Variants in GYS1 observed in about 807,000 individuals in gnomAD.
The protein encoded by GYS1 is glycogen [starch] synthase, muscle.
GYS1 carries 60 observed loss-of-function variants against 89.1 expected under a neutral mutation model. That is an observed-to-expected ratio of 0.67 (90% CI 0.55 to 0.84). The LOEUF (loss-of-function observed/expected upper bound fraction) is 0.84, where lower values mean the gene tolerates loss of function less well. Ranked by LOEUF, GYS1 falls within the 40% of genes least tolerant of loss-of-function variation. The probability of loss-of-function intolerance (pLI) is 0.00; values close to 1 mark genes in which losing one functional copy is unlikely to be tolerated. For missense variants in GYS1, 888 were observed against 1,003.1 expected, an observed-to-expected ratio of 0.89 and a Z score of 1.55; for synonymous variants, 366 against 401.7, an observed-to-expected ratio of 0.91 and a Z score of 1.06.
intron 3 of GYS1, 31 bp downstream of exon 3, chr19:48,987,163 G>A (rs747524969): frequency 6.7e-7 from 1 of 1,497,564 alleles, no homozygotes; most frequent in Non-Finnish European, 9.3e-7. Context: ...GTAGTTTCAG[G>A]TATGGGTGGA....
At position 48,968,254 on chromosome 19, in the gene GYS1, C is replaced by T; in HGVS notation, c.*1034G>A. The T allele has an allele frequency of 2.2e-6, 1 of 454,328 alleles. No individual in the cohort carries two copies. The highest frequency in any genetic ancestry group is 4.4e-6 in the Non-Finnish European group (1 of 226,792). The allele number at this position is 454,328 out of a possible 1,614,324, so 28.1% of individuals were successfully genotyped here. A position where few individuals can be genotyped will look rare whatever the true frequency, so the allele number is the denominator to read the frequency against. ...CACAGCACAGCACACATGAGGGGCC[C>T]TCCCTTTCACCAAAGCTGAAGGCAG... On this transcript the variant is annotated 3_prime_UTR_variant, in exon 16 of 16. Coordinates refer to ENST00000323798, the MANE Select transcript of GYS1 (RefSeq NM_002103.5).
intron 9 of GYS1, 36 bp downstream of exon 9, chr19:48,978,062 C>G: frequency 6.2e-7 from 1 of 1,610,192 alleles, no homozygotes; most frequent in Non-Finnish European, 8.5e-7. Flanking sequence ...TTAGTCAGGG[C>G]CTAGGAGGGC....
chr19:48,990,658 G>A (rs994355907), intron 2 of GYS1, among the ~76,000 whole-genome samples: 5 of 152,154 alleles, frequency 3.3e-5, no homozygotes, highest in East Asian at 3.8e-4. Flanking sequence ...TCCCAGCACC[G>A]CTAGAAGGTA....
intron 3 of GYS1, 62 bp downstream of exon 3, chr19:48,987,132 G>T: frequency 8.3e-7 from 1 of 1,206,308 alleles, no homozygotes; most frequent in Non-Finnish European, 1.2e-6. Flanking sequence ...CCATCCTCTG[G>T]CCCAGGGGCT....
chr19:48,985,065 C>T (rs547948011), intron 5 of GYS1, among the ~76,000 whole-genome samples: 13 of 152,040 alleles, frequency 8.6e-5, no homozygotes, highest in Non-Finnish European at 1.9e-4. Context: ...CACTGTGTCA[C>T]CCAGGCTGTG....
Position 48,993,001 on chromosome 19 carries a change from T to C in GYS1, c.112A>G (p.Asn38Asp). Residue 38 changes from asparagine to aspartate, a missense_variant, in exon 1 of 16, where the codon AAC (asparagine) becomes GAC (aspartate). Asn to Asp is a conservative substitution (Grantham distance 23, BLOSUM62 1). Coordinates refer to ENST00000323798, the MANE Select transcript of GYS1 (RefSeq NM_002103.5). ...CGACGCCTGGCGTGCTCACCCTTGT[T>C]AGCCACCTCCCAGGCCACTTCGAAG... is the stretch of plus-strand genomic sequence containing the variant. ...VLFEVAWEVA[N>D]KVGGIYTVLQ... 1 of 1,594,458 alleles carries C rather than the reference T, an allele frequency of 6.3e-7. No homozygotes were observed. Among genetic ancestry groups the C allele is most frequent in the African/African-American group, 1.3e-5 (1 of 74,620 alleles).
intron 8 of GYS1, among the ~76,000 whole-genome samples, chr19:48,980,883 G>A (rs1007332158): frequency 3.3e-5 from 5 of 152,056 alleles, no homozygotes; most frequent in Non-Finnish European, 7.4e-5. Context: ...GGGAGGCTGA[G>A]GCAGGCGGAA....
Position 48,970,624 on chromosome 19 carries a change from C to G in GYS1, c.1731G>C (p.Gln577His). ...LTSFLYSFCQ[Q>H]SRRQRIIQRN... is the part of the protein sequence containing the mutation. ...GCTGGATGATACGCTGCCGCCGGCT[C>G]TGCTGACAGAAACTGTAGAGGAAGG... The change falls in exon 14 of 16, where the codon CAG (glutamine) becomes CAC (histidine). Residue 577 changes from glutamine to histidine, a missense_variant. Gln to His is a conservative substitution (Grantham distance 24). Coordinates refer to ENST00000323798, the MANE Select transcript of GYS1 (RefSeq NM_002103.5). The G allele has an allele frequency of 6.2e-7, 1 of 1,614,022 alleles. No individual in the cohort carries two copies.
Position 48,969,253 on chromosome 19 carries a change from G to A in GYS1, c.*35C>T, listed in dbSNP as rs78559163. 4.2e-4 allele frequency: 636 copies of A among 1,516,842 alleles called. 2 individuals carry two copies. In the African/African-American group the frequency reaches 7.1e-3, roughly 17 times the overall value. 94.0% of individuals were successfully genotyped at this position (1,516,842 alleles called of 1,614,324 possible). ...CTCTGCATCCTCTCTCTGGAGCAGA[G>A]AGGCAGGACAGGCGGGGAGTGTGGT... On this transcript the variant is annotated 3_prime_UTR_variant, in exon 16 of 16. Transcript: ENST00000323798.
In GYS1 at chr19:48,981,618, T is replaced by C; in HGVS notation, c.1081A>G (p.Thr361Ala). ...GGCATGATGAAGAAGGCAACCACTG[T>C]CTGCTCGCTGCCGTTCACCTGCGCA... is the stretch of plus-strand genomic sequence containing the variant. ...YLLRVNGSEQ[T>A]VVAFFIMPAR... Residue 361 changes from threonine (T) to alanine (A), a missense_variant, in exon 8 of 16, where the codon ACA (threonine) becomes GCA (alanine). Thr to Ala is a moderately conservative substitution (Grantham distance 58). Transcript: ENST00000323798. The C allele has an allele frequency of 2.5e-6, 4 of 1,611,894 alleles. No homozygotes were observed. The South Asian group carries it at 3.3e-5, about 13-fold the overall frequency.
At position 48,991,295 on chromosome 19, in the gene GYS1, G is replaced by A. The variant is rs759904590; in HGVS notation, c.300+7C>T. 4.7e-5 allele frequency: 76 copies of A among 1,613,292 alleles called. No homozygotes were observed. In the East Asian group the frequency reaches 6.0e-4, roughly 13 times the overall value. ...CCGCTTCTGCCCTGGGCTGGGCCACGTCCCACCTTGCAGCCCTTGCTGTTC... is the reference window on the plus strand; with the variant it reads ...CCGCTTCTGCCCTGGGCTGGGCCACATCCCACCTTGCAGCCCTTGCTGTTC... On this transcript the variant is annotated splice_region_variant and intron_variant, in intron 2 of 15. Coordinates refer to ENST00000323798, the MANE Select transcript of GYS1 (RefSeq NM_002103.5). The surrounding 1 kb of genome is among the most constrained non-coding windows in gnomAD (Gnocchi z 4.7).
chr19:48,972,730 C>T (rs1278471165), intron 12 of GYS1, among the ~76,000 whole-genome samples: 1 of 152,170 alleles, frequency 6.6e-6, no homozygotes, highest in African/African-American at 2.4e-5. Context: ...CCTCCCACCT[C>T]GGCCTCCCAA....
chr19:48,974,694 C>T lies in GYS1; in HGVS notation c.1348G>A (p.Asp450Asn). ...GTCAGGATGGGGTCTGAGGAGTCAT[C>T]CAGCATATTGTGGGTGCACACAGGG... is the stretch of plus-strand genomic sequence containing the variant. Reference protein sequence around the residue: ...FPPVCTHNMLDDSSDPILTTI... With the variant: ...FPPVCTHNMLNDSSDPILTTI... Residue 450 changes from aspartate to asparagine, a missense_variant, in exon 11 of 16, where the codon GAT (aspartate) becomes AAT (asparagine). Asp to Asn is a conservative substitution (Grantham distance 23). Coordinates refer to ENST00000323798, the MANE Select transcript of GYS1 (RefSeq NM_002103.5). 6.2e-7 allele frequency: 1 copy of T among 1,613,948 alleles called. No homozygotes were observed. The highest frequency in any genetic ancestry group is 1.1e-5 in the South Asian group (1 of 91,076).
intron 2 of GYS1, among the ~76,000 whole-genome samples, chr19:48,990,529 T>A (rs1255423132): frequency 6.6e-6 from 1 of 152,154 alleles, no homozygotes; most frequent in East Asian, 1.9e-4. Flanking sequence ...CTCTCCAAGC[T>A]TGGCTGTTAG....
chr19:48,982,850 G>A lies in GYS1; in HGVS notation c.824-13C>T. On this transcript the variant is annotated splice_polypyrimidine_tract_variant and intron_variant, in intron 5 of 15. Coordinates refer to ENST00000323798, the MANE Select transcript of GYS1 (RefSeq NM_002103.5). ...GGGGTCACAATATCTGGGATTGGGGGTGAGGGTCCCATGTTTTATTTGTTC... is the reference window on the plus strand; with the variant it reads ...GGGGTCACAATATCTGGGATTGGGGATGAGGGTCCCATGTTTTATTTGTTC... 6.9e-7 allele frequency: 1 copy of A among 1,445,100 alleles called. No individual in the cohort carries two copies. The highest frequency in any genetic ancestry group is 9.8e-7 in the Non-Finnish European group (1 of 1,025,506). 89.5% of individuals were successfully genotyped at this position (1,445,100 alleles called of 1,614,324 possible).
rs754571546 is a variant in GYS1, at chr19:48,974,316, G to C, written c.1446C>G (p.Leu482=). The C allele has an allele frequency of 1.9e-6, 3 of 1,614,024 alleles. No homozygotes were observed. The highest frequency in any genetic ancestry group is 2.5e-6 in the Non-Finnish European group (3 of 1,179,904). ...CAGGGAGCAGGGGGCTTGTGGAGGA[G>C]AGGAACTCCGGGTGGAAAATCACCT... ...RVKVIFHPEF[L]SSTSPLLPVD... is the part of the protein sequence containing the mutation. The change falls in exon 12 of 16, where the codon CTC becomes CTG. Residue 482 remains leucine, a synonymous_variant. Transcript: ENST00000323798.
In GYS1 at chr19:48,970,715, G is replaced by A. The variant is rs2038551129; in HGVS notation, c.1646-6C>T. The A allele has an allele frequency of 9.9e-6, 16 of 1,613,528 alleles. No homozygotes were observed. Among genetic ancestry groups the A allele is most frequent in the Non-Finnish European group, 1.4e-5 (16 of 1,179,720 alleles). Reference sequence around the variant, plus strand: ...CCGGTCAAGAATGTAGATACCTGTGGAGGCCAGGACCCAGGTTCAGAAAAC... The same window carrying A: ...CCGGTCAAGAATGTAGATACCTGTGAAGGCCAGGACCCAGGTTCAGAAAAC... On this transcript the variant is annotated splice_polypyrimidine_tract_variant and splice_region_variant and intron_variant, in intron 13 of 15. Coordinates refer to ENST00000323798, the MANE Select transcript of GYS1 (RefSeq NM_002103.5).
At position 48,969,368 on chromosome 19, in the gene GYS1, C is replaced by A; in HGVS notation, c.2134G>T (p.Asp712Tyr). 6.3e-7 allele frequency: 1 copy of A among 1,581,768 alleles called. No individual in the cohort carries two copies. The highest frequency in any genetic ancestry group is 8.6e-7 in the Non-Finnish European group (1 of 1,168,922). ...STSGSKRNSV[D>Y]TATSSSLSTP... is the part of the protein sequence containing the mutation. ...CTGAGTGAGCTGGAGGTGGCCGTGTCCACAGAGTTGCGCTTGCTGCCGCTG... is the reference window on the plus strand; with the variant it reads ...CTGAGTGAGCTGGAGGTGGCCGTGTACACAGAGTTGCGCTTGCTGCCGCTG... The change falls in exon 16 of 16, where the codon GAC (aspartate) becomes TAC (tyrosine). Residue 712 changes from aspartate to tyrosine, a missense_variant. Asp to Tyr is a radical substitution (Grantham distance 160). Coordinates refer to ENST00000323798, the MANE Select transcript of GYS1 (RefSeq NM_002103.5).
At position 48,993,109 on chromosome 19, in the gene GYS1, G is replaced by A. The variant is rs745719308; in HGVS notation, c.4C>T (p.Pro2Ser). 22 of 1,578,088 alleles carry A rather than the reference G, an allele frequency of 1.4e-5. No individual in the cohort carries two copies. In the South Asian group the frequency reaches 1.7e-4, roughly 12 times the overall value. The stretch of plus-strand genomic sequence containing the variant: ...GACATGGACAAAGTGCGGTTTAAAG[G>A]CATGGCTGGCGCAGGAAGGGGGGCT... M[P>S]LNRTLSMSSL... Residue 2 changes from proline (P) to serine (S), a missense_variant, in exon 1 of 16, where the codon CCT becomes TCT. Coordinates refer to ENST00000323798, the MANE Select transcript of GYS1 (RefSeq NM_002103.5).
Sources: allele counts gnomAD v4.1 joint callset (sites outside exome capture counted in the v4.1 genomes callset), GRCh38; gene constraint gnomAD v4.1.1; non-coding constraint Gnocchi (gnomAD v3.1); transcripts MANE v1.5; gene names NCBI Gene and HGNC (gene_info 2026-07-23, HGNC 2026-07-21).